NUP160: variants seen among roughly 807,000 people sequenced by gnomAD.
The protein encoded by NUP160 is nucleoporin 160.
NUP160 carries 94 observed loss-of-function variants against 196.9 expected under a neutral mutation model. That is an observed-to-expected ratio of 0.48 (90% confidence interval 0.40 to 0.57). NUP160 has a LOEUF of 0.57. NUP160 is among the 20% of genes least tolerant of loss of function. The pLI is 0.00. For synonymous variants in NUP160, 605 were observed against 619.7 expected (o/e 0.98, Z 0.35); for missense variants, 1,638 against 1,748.3 (o/e 0.94, Z 1.13).
In NUP160 at chr11:47,837,755, G is replaced by C. The variant is rs139371166; in HGVS notation, c.749-132C>G. 8.1e-4 allele frequency: 522 copies of C among 643,198 alleles called. No individual in the cohort carries two copies. In the African/African-American group the frequency reaches 9.0e-3, roughly 11 times the overall value. The allele number at this position is 643,198 out of a possible 1,614,324, so 39.8% of individuals were successfully genotyped here. A position where few individuals can be genotyped will look rare whatever the true frequency, so the allele number is the denominator to read the frequency against. On this transcript the variant is annotated intron_variant, in intron 4 of 35. Coordinates refer to ENST00000378460, the Ensembl canonical transcript of NUP160. Reference sequence around the variant, plus strand: ...TTCTGTACTAACAAAGGTTTAGGATGTAACTTTCCTGCATATATCACACCT... The same window carrying C: ...TTCTGTACTAACAAAGGTTTAGGATCTAACTTTCCTGCATATATCACACCT...
chr11:47,847,911 C>G, exon 2 of NUP160: 1 of 1,614,154 alleles, frequency 6.2e-7, no homozygotes, highest in South Asian at 1.1e-5. Context: ...GTAAAAGCCT[C>G]CCGCGCTTTC....
chr11:47,795,741 A>G (rs539301486), intron 27 of NUP160, among the ~76,000 whole-genome samples: 1 of 152,282 alleles, frequency 6.6e-6, no homozygotes, highest in African/African-American at 2.4e-5. Context: ...CAAAAATATC[A>G]ATGTCATCAA....
chr11:47,810,095 T>C (rs1258440721), intron 17 of NUP160, among the ~76,000 whole-genome samples: 1 of 152,118 alleles, frequency 6.6e-6, no homozygotes, highest in African/African-American at 2.4e-5. Context: ...TGGAAGAATC[T>C]ACATAGATCA....
At chr11:47,834,797 AT>A (rs1852143095) in intron 7 of NUP160, among the ~76,000 whole-genome samples, 1 of 152,116 alleles carries the variant, frequency 6.6e-6, no homozygotes, top group African/African-American at 2.4e-5. Context: ...GACTGTCCAC[AT>A]TTGGGACTGC....
At chr11:47,841,514 GCCA>G (rs1257340332) in intron 2 of NUP160, 4 of 404,508 alleles carry the variant, frequency 9.9e-6, no homozygotes, top group African/African-American at 4.3e-5. Context: ...ATGCTCACTG[GCCA>G]CCACATGGTC....
intron 7 of NUP160, among the ~76,000 whole-genome samples, chr11:47,828,932 C>A (rs532233564): frequency 9.2e-5 from 14 of 151,716 alleles, no homozygotes; most frequent in South Asian, 6.3e-4. Context: ...TAAAAAAAAA[C>A]CCCACAAAAC....
At position 47,788,035 on chromosome 11, in the gene NUP160, A is replaced by C; in HGVS notation, c.3746+147T>G. 6 of 740,638 alleles carry C rather than the reference A, an allele frequency of 8.1e-6. No individual in the cohort carries two copies. The South Asian group carries it at 1.3e-4, about 16-fold the overall frequency. 45.9% of individuals were successfully genotyped at this position (740,638 alleles called of 1,614,324 possible). ...CTGCGCTCAGCCTGAAATTCTTTTT[A>C]AGAATGCTTGGATGGATTAAACAAA... is the stretch of plus-strand genomic sequence containing the variant. On this transcript the variant is annotated intron_variant, in intron 31 of 35. Transcript: ENST00000378460.
In NUP160 at chr11:47,779,110, AG is replaced by A. The variant is rs752344431; in HGVS notation, c.4305del (p.Leu1436CysfsTer33). ...AGGCTAGGTGACAATCCAAATCACA[AG>A]GTCCGACGATATAATAAATCCCGTG... On this transcript the variant is annotated frameshift_variant, in exon 36 of 36. Transcript: ENST00000378460. LOFTEE classifies it high-confidence loss of function. The A allele has an allele frequency of 6.2e-7, 1 of 1,612,032 alleles. No homozygotes were observed. The highest frequency in any genetic ancestry group is 1.1e-5 in the South Asian group (1 of 91,034).
At chr11:47,788,215 G>A (rs746310984) in exon 31 of NUP160, 31 of 1,613,744 alleles carry the variant, frequency 1.9e-5, no homozygotes, top group Non-Finnish European at 2.5e-5. Flanking sequence ...TGGCGTTAAG[G>A]GAAGCTTAAA....
chr11:47,786,646 C>T, intron 31 of NUP160, 92 bp from the exon 32 acceptor site: 3 of 762,276 alleles, frequency 3.9e-6, no homozygotes. Context: ...ATGACAACTT[C>T]ATCTCTAGTC....
chr11:47,824,457 A>C (rs890042423), intron 7 of NUP160, among the ~76,000 whole-genome samples: 5 of 151,654 alleles, frequency 3.3e-5, no homozygotes, highest in African/African-American at 1.2e-4. Context: ...AAATACAAAA[A>C]AATTTAGCCG....
At chr11:47,810,516 T>C (rs1290302674) in intron 17 of NUP160, among the ~76,000 whole-genome samples, 1 of 151,870 alleles carries the variant, frequency 6.6e-6, no homozygotes, top group African/African-American at 2.4e-5. Flanking sequence ...CTTGAAATTC[T>C]ACCATTAGCG....
At position 47,831,894 on chromosome 11, in the gene NUP160, C is replaced by CT. The variant is rs554204043; in HGVS notation, c.1101+3756dup. ...GAGACAGATCTGATCTAATAAATTC[C>CT]TTTTTTTTTTTTTTTTTTTTTTTTT... On this transcript the variant is annotated intron_variant, in intron 7 of 35. Coordinates refer to ENST00000378460, the Ensembl canonical transcript of NUP160. Among the ~76,000 whole-genome samples, 44 of 69,990 alleles carry CT rather than the reference C, an allele frequency of 6.3e-4. 4 individuals carry two copies. The highest frequency in any genetic ancestry group is 2.5e-3 in the African/African-American group (41 of 16,202). The allele number at this position is 69,990 out of a possible 152,430, so 45.9% of individuals were successfully genotyped here. A position where few individuals can be genotyped will look rare whatever the true frequency, so the allele number is the denominator to read the frequency against.
chr11:47,780,540 CT>C (rs72169400), intron 34 of NUP160, 93 bp from the exon 35 acceptor site: 188,047 of 417,538 alleles, frequency 0.45, 21,647 homozygotes, highest in African/African-American at 0.69. Context: ...ATAAAATACC[CT>C]TTTTTTTTTT....
At chr11:47,835,772 T>A (rs758240608) in exon 7 of NUP160, 1 of 1,600,500 alleles carries the variant, frequency 6.2e-7, no homozygotes, top group Non-Finnish European at 8.5e-7. Flanking sequence ...CACAGGGACA[T>A]ACTCCAGCAT....
chr11:47,848,295 T>G, exon 1 of NUP160: 1 of 1,614,006 alleles, frequency 6.2e-7, no homozygotes, highest in South Asian at 1.1e-5. Flanking sequence ...CGAAGCTCCG[T>G]TCCAGGGCTC....
chr11:47,812,156 A>T (rs1290610995), exon 17 of NUP160: 1 of 1,614,198 alleles, frequency 6.2e-7, no homozygotes, highest in South Asian at 1.1e-5. Context: ...ACCCCTCTGC[A>T]CACAATATAC....
intron 3 of NUP160, 128 bp from the exon 4 acceptor site, chr11:47,840,193 T>G (rs1292751218): frequency 2.3e-6 from 2 of 856,028 alleles, no homozygotes; most frequent in Non-Finnish European, 3.7e-6. Flanking sequence ...TTCTTCTTAA[T>G]GAAAACTAAT....
At chr11:47,830,178 A>G (rs1662947796) in intron 7 of NUP160, among the ~76,000 whole-genome samples, 1 of 152,232 alleles carries the variant, frequency 6.6e-6, no homozygotes, top group Non-Finnish European at 1.5e-5. Context: ...ATCGCACAGC[A>G]GTCAGAATGG....
Sources: gnomAD v4.1 joint callset for allele counts (sites outside exome capture counted in the v4.1 genomes callset) on GRCh38, gnomAD v4.1.1 for gene constraint, MANE v1.5 for transcripts, NCBI Gene and HGNC (gene_info 2026-07-23, HGNC 2026-07-21) for gene names.